The following SAMD14 variants were observed in gnomAD, a reference collection of about 807,000 sequenced individuals.
SAMD14 encodes the protein sterile alpha motif domain containing 14.
SAMD14 carries 27 observed loss-of-function variants against 46.2 expected under a neutral mutation model. The ratio of observed to expected loss-of-function variants is 0.58; its 90% CI spans 0.43 to 0.81. The LOEUF (loss-of-function observed/expected upper bound fraction) is 0.81, where lower values mean the gene tolerates loss of function less well. Among genes scored for constraint, SAMD14 ranks in the 30% least tolerant of loss-of-function variants. The pLI, the probability that SAMD14 is intolerant of heterozygous loss-of-function variation, is 0.00. For synonymous variants in SAMD14, 241 were observed against 254.3 expected (o/e 0.95, Z 0.50); for missense variants, 559 against 582.2 (o/e 0.96, Z 0.41).
chr17:50,120,689 C>T (rs1001446575), intron 2 of SAMD14, among the ~76,000 whole-genome samples: 1 of 152,176 alleles, frequency 6.6e-6, no homozygotes, highest in Non-Finnish European at 1.5e-5. Context: ...TCCAACCATC[C>T]TGGCCGCCTG....
chr17:50,118,089 A>C, intron 3 of SAMD14, 72 bp downstream of exon 3: 26 of 1,435,082 alleles, frequency 1.8e-5, no homozygotes, highest in Non-Finnish European at 2.2e-5. Flanking sequence ...AGCACTCTGG[A>C]GAGATTATCC....
chr17:50,115,657 G>A lies in SAMD14; in HGVS notation c.729C>T (p.Asp243=). ...CCGAGGATGCTGAGCCCTTGCCGCTGTCCGTGAACCAGGAAAAAGGCAGGA... is the reference window on the plus strand; with the variant it reads ...CCGAGGATGCTGAGCCCTTGCCGCTATCCGTGAACCAGGAAAAAGGCAGGA... ...SPFLPFSWFT[D]SGKGSASSGS... The change falls in exon 7 of 10, where the codon GAC becomes GAT. Residue 243 remains aspartate, a synonymous_variant. Transcript: ENST00000330175. This position sits in a 1 kb window ranked among gnomAD's most constrained non-coding sequence, Gnocchi z 5.3. 6.2e-7 allele frequency: 1 copy of A among 1,608,878 alleles called. No individual in the cohort carries two copies. The highest frequency in any genetic ancestry group is 1.3e-5 in the African/African-American group (1 of 75,004).
intron 1 of SAMD14, among the ~76,000 whole-genome samples, chr17:50,125,596 C>T (rs565902170): frequency 1.2e-4 from 18 of 152,276 alleles, no homozygotes; most frequent in Admixed American, 4.6e-4. Context: ...CATCTGCTCC[C>T]ATGCACCCAA....
chr17:50,128,917 G>T (rs763195356), intron 1 of SAMD14, among the ~76,000 whole-genome samples: 3 of 152,244 alleles, frequency 2.0e-5, no homozygotes, highest in Non-Finnish European at 4.4e-5. Context: ...CCTTCGGGCA[G>T]GCGATAGGAA....
rs145637965 is a variant in SAMD14, at chr17:50,118,302, C to A, written c.69G>T (p.Thr23=). The change falls in exon 3 of 10, where the codon ACG becomes ACT. Residue 23 remains threonine, a synonymous_variant. Coordinates refer to ENST00000330175, the MANE Select transcript of SAMD14 (RefSeq NM_001257359.2). ...TGTGTAAACTGCTGTCCAGTCTGGCCGTCTCTGGCACAGCCAAGTCCAGGT... is the reference window on the plus strand; with the variant it reads ...TGTGTAAACTGCTGTCCAGTCTGGCAGTCTCTGGCACAGCCAAGTCCAGGT... ...VFDLDLAVPE[T]ARLDSSLHKA... The A allele has an allele frequency of 7.3e-5, 117 of 1,613,466 alleles. No individual in the cohort carries two copies. Among genetic ancestry groups the A allele is most frequent in the Non-Finnish European group, 9.8e-5 (116 of 1,180,030 alleles).
chr17:50,113,063 G>C lies in SAMD14; in HGVS notation c.1099-15C>G. On this transcript the variant is annotated splice_polypyrimidine_tract_variant and intron_variant, in intron 9 of 9. Coordinates refer to ENST00000330175, the MANE Select transcript of SAMD14 (RefSeq NM_001257359.2). Reference sequence around the variant, plus strand: ...AGCCCCAGGCTCTGGGGAGGAGTCCGGGGTGAGGGAGAGAGTCCCAGAACC... The same window carrying C: ...AGCCCCAGGCTCTGGGGAGGAGTCCCGGGTGAGGGAGAGAGTCCCAGAACC... The C allele has an allele frequency of 6.2e-7, 1 of 1,609,792 alleles. No individual in the cohort carries two copies.
At chr17:50,119,173 T>G (rs1911386953) in intron 2 of SAMD14, among the ~76,000 whole-genome samples, 1 of 152,184 alleles carries the variant, frequency 6.6e-6, no homozygotes, top group Non-Finnish European at 1.5e-5. Flanking sequence ...CTGTCCTGGG[T>G]CTGTGGCCCT....
At chr17:50,124,880 T>C in intron 2 of SAMD14, 37 bp downstream of exon 2, 1 of 1,609,666 alleles carries the variant, frequency 6.2e-7, no homozygotes, top group African/African-American at 1.3e-5. Flanking sequence ...TCTATGGCTG[T>C]GTCTATTGGC....
intron 1 of SAMD14, among the ~76,000 whole-genome samples, chr17:50,126,461 C>T (rs550883255): frequency 3.9e-5 from 6 of 152,032 alleles, no homozygotes; most frequent in South Asian, 2.1e-4. Flanking sequence ...CCCACCACCA[C>T]GCCTGGCTAA....
At chr17:50,126,327 C>T (rs1056625956) in intron 1 of SAMD14, among the ~76,000 whole-genome samples, 60 of 137,426 alleles carry the variant, frequency 4.4e-4, no homozygotes, top group Admixed American at 1.8e-3. Flanking sequence ...TTTTTTGAGA[C>T]GGAGTCTCAC....
rs1051999602 is a variant in SAMD14, at chr17:50,115,399, G to A, written c.822+165C>T. ...AATATGAAGGAGTGGAAGAGTGAACGAATGAATTCAGAGAATGCATGAAGT... is the reference window on the plus strand; with the variant it reads ...AATATGAAGGAGTGGAAGAGTGAACAAATGAATTCAGAGAATGCATGAAGT... On this transcript the variant is annotated intron_variant, in intron 7 of 9. Coordinates refer to ENST00000330175, the MANE Select transcript of SAMD14 (RefSeq NM_001257359.2). The surrounding 1 kb of genome is among the most constrained non-coding windows in gnomAD (Gnocchi z 5.3). Among the ~76,000 whole-genome samples the A allele has an allele frequency of 6.6e-6, 1 of 152,242 alleles. No individual in the cohort carries two copies. Among genetic ancestry groups the A allele is most frequent in the African/African-American group, 2.4e-5 (1 of 41,464 alleles).
At chr17:50,122,209 G>T (rs907269902) in intron 2 of SAMD14, among the ~76,000 whole-genome samples, 68 of 152,140 alleles carry the variant, frequency 4.5e-4, no homozygotes, top group Admixed American at 4.4e-3. Flanking sequence ...GTCACGATAC[G>T]GTCGGGATAT....
At chr17:50,114,697 T>C in intron 7 of SAMD14, 1 of 390,634 alleles carries the variant, frequency 2.6e-6, no homozygotes, top group Non-Finnish European at 4.5e-6. Context: ...TTATCCTCAC[T>C]GGACTGTGAG....
intron 7 of SAMD14, chr17:50,114,533 A>C: frequency 8.3e-7 from 1 of 1,208,514 alleles, no homozygotes; most frequent in Non-Finnish European, 1.2e-6. Context: ...GGCTAGAACC[A>C]AGCCAGGTTA....
chr17:50,110,283 G>C lies in SAMD14; in HGVS notation c.*2610C>G. The stretch of plus-strand genomic sequence containing the variant: ...CCCTAAGTGCCAGTCCATCTCTGTG[G>C]AGACCCCTCGGTGGCCTCCCTATCT... On this transcript the variant is annotated 3_prime_UTR_variant, in exon 10 of 10. Transcript: ENST00000330175. 1 of 546,000 alleles carries C rather than the reference G, an allele frequency of 1.8e-6. No individual in the cohort carries two copies. The highest frequency in any genetic ancestry group is 3.7e-5 in the Admixed American group (1 of 27,288). 33.8% of individuals were successfully genotyped at this position (546,000 alleles called of 1,614,324 possible).
rs1442071435 is a variant in SAMD14, at chr17:50,118,154, C to T, written c.210+7G>A. The T allele has an allele frequency of 6.3e-7, 1 of 1,581,840 alleles. No homozygotes were observed. Among genetic ancestry groups the T allele is most frequent in the Non-Finnish European group, 8.6e-7 (1 of 1,161,268 alleles). On this transcript the variant is annotated splice_region_variant and intron_variant, in intron 3 of 9. Transcript: ENST00000330175. ...GGTGTATATGTGTTTTCCTAACTTG[C>T]CCCAACCTTGCCTCCGGGCCCATCC...
intron 4 of SAMD14, among the ~76,000 whole-genome samples, chr17:50,116,653 C>T (rs1911224035): frequency 6.6e-6 from 1 of 151,182 alleles, no homozygotes; most frequent in African/African-American, 2.4e-5. Context: ...GTGATCCACC[C>T]GCCTCGGCCT....
Position 50,117,586 on chromosome 17 carries a change from C to A in SAMD14, c.320G>T (p.Arg107Leu). ...SFCLDPPGLR[R>L]SLDEDEPPPS... ...CGGCGGCTCGTCCTCGTCCAGGCTG[C>A]GCCGCAACCCCGGAGGATCCAGGCA... The change falls in exon 4 of 10, where the codon CGC becomes CTC. Residue 107 changes from arginine to leucine, a missense_variant. Physicochemically the swap from Arg to Leu is moderately radical, Grantham distance 102. Coordinates refer to ENST00000330175, the MANE Select transcript of SAMD14 (RefSeq NM_001257359.2). The A allele has an allele frequency of 6.4e-7, 1 of 1,553,090 alleles. No individual in the cohort carries two copies. The highest frequency in any genetic ancestry group is 8.6e-7 in the Non-Finnish European group (1 of 1,159,472).
At chr17:50,124,281 T>C in intron 2 of SAMD14, 1 of 426,716 alleles carries the variant, frequency 2.3e-6, no homozygotes, top group Middle Eastern at 3.4e-4. Context: ...TGCACCCCAG[T>C]GTGTACTGAG....
Sources: allele counts gnomAD v4.1 joint callset (sites outside exome capture counted in the v4.1 genomes callset), GRCh38; gene constraint gnomAD v4.1.1; non-coding constraint Gnocchi (gnomAD v3.1); transcripts MANE v1.5; gene names NCBI Gene and HGNC (gene_info 2026-07-23, HGNC 2026-07-21).